Variants in PHACTR2 observed in about 807,000 individuals in gnomAD.
PHACTR2 encodes phosphatase and actin regulator 2, also known as chromosome 6 open reading frame 56.
Under a neutral mutation model 76.0 loss-of-function variants are expected in PHACTR2, and 30 were observed. That is an observed-to-expected ratio of 0.39 (90% CI 0.30 to 0.54). The LOEUF is 0.54. Among genes scored for constraint, PHACTR2 ranks in the 20% least tolerant of loss-of-function variants. The pLI, the probability that PHACTR2 is intolerant of heterozygous loss-of-function variation, is 0.61. For missense variants in PHACTR2, 696 were observed against 781.1 expected (o/e 0.89, Z 1.30); for synonymous variants, 292 against 292.5 (o/e 1.00, Z 0.02).
chr6:143,724,178 C>T (rs1778505947), intron 2 of PHACTR2, among the ~76,000 whole-genome samples: 1 of 152,068 alleles, frequency 6.6e-6, no homozygotes, highest in South Asian at 2.1e-4. Flanking sequence ...CTCTGTCACC[C>T]AGGCTGGACT....
At chr6:143,594,757 G>A (rs1407386222) in intron 1 of PHACTR2, among the ~76,000 whole-genome samples, 5 of 152,238 alleles carry the variant, frequency 3.3e-5, no homozygotes, top group Non-Finnish European at 5.9e-5. Context: ...AGAGTTTGCC[G>A]TCCATGGATC....
intron 1 of PHACTR2, among the ~76,000 whole-genome samples, chr6:143,645,749 T>C (rs561993333): frequency 3.3e-5 from 5 of 152,368 alleles, no homozygotes; most frequent in African/African-American, 9.6e-5. Context: ...GTAAGTCATG[T>C]TGACATTATT....
chr6:143,588,873 C>T (rs1775658173), intron 1 of PHACTR2, among the ~76,000 whole-genome samples: 1 of 152,182 alleles, frequency 6.6e-6, no homozygotes, highest in Non-Finnish European at 1.5e-5. Context: ...AAAAATGTAG[C>T]TTACTGAAAC....
chr6:143,667,051 TG>T, intron 1 of PHACTR2, among the ~76,000 whole-genome samples: 1 of 151,744 alleles, frequency 6.6e-6, no homozygotes, highest in African/African-American at 2.4e-5. Context: ...AGTTAATTTT[TG>T]TATGAAGTGT....
chr6:143,708,717 C>G lies in PHACTR2; in HGVS notation c.47-3299C>G, dbSNP rs185213173. The stretch of plus-strand genomic sequence containing the variant: ...AGCAGATGACAGTGGTCCTCACATT[C>G]ATGATTTAAGAGAAGTACAATGGCA... On this transcript the variant is annotated intron_variant, in intron 1 of 12. Coordinates refer to ENST00000440869, the MANE Select transcript of PHACTR2 (RefSeq NM_001100164.2). The surrounding 1 kb of genome is among the most constrained non-coding windows in gnomAD (Gnocchi z 5.5). Among the ~76,000 whole-genome samples the G allele has an allele frequency of 4.4e-4, 67 of 152,348 alleles. No individual in the cohort carries two copies. Among genetic ancestry groups the G allele is most frequent in the African/African-American group, 1.5e-3 (64 of 41,584 alleles).
At chr6:143,622,005 A>C (rs953760288) in intron 1 of PHACTR2, among the ~76,000 whole-genome samples, 4 of 151,862 alleles carry the variant, frequency 2.6e-5, no homozygotes, top group Non-Finnish European at 5.9e-5. Context: ...AATAATCAAG[A>C]GTGTTATCCT....
intron 1 of PHACTR2, among the ~76,000 whole-genome samples, chr6:143,643,554 C>A (rs1230253291): frequency 6.6e-6 from 1 of 152,126 alleles, no homozygotes; most frequent in African/African-American, 2.4e-5. Context: ...AAGTCATGGG[C>A]ATTGAGGAAG....
Position 143,695,441 on chromosome 6 carries a change from A to T in PHACTR2, c.47-16575A>T, listed in dbSNP as rs1777751056. ...TCCAAGACCCTATTTCAGATTCAAC[A>T]TTCAATACCCTAAGGCATAAAAATG... On this transcript the variant is annotated intron_variant, in intron 1 of 12. Transcript: ENST00000440869. This position sits in a 1 kb window ranked among gnomAD's most constrained non-coding sequence, Gnocchi z 4.4. Among the ~76,000 whole-genome samples the T allele has an allele frequency of 6.6e-6, 1 of 152,258 alleles. No individual in the cohort carries two copies. Among genetic ancestry groups the T allele is most frequent in the South Asian group, 2.1e-4 (1 of 4,832 alleles).
rs1156750553 is a variant in PHACTR2, at chr6:143,697,867, C to T, written c.47-14149C>T. Among the ~76,000 whole-genome samples the T allele has an allele frequency of 6.6e-6, 1 of 152,164 alleles. No homozygotes were observed. The highest frequency in any genetic ancestry group is 2.4e-5 in the African/African-American group (1 of 41,436). ...ATAGGGGCACCACCAGGAATAAAAT[C>T]AACTTGCTCCCTGTCCTCATGGGAC... On this transcript the variant is annotated intron_variant, in intron 1 of 12. Coordinates refer to ENST00000440869, the MANE Select transcript of PHACTR2 (RefSeq NM_001100164.2). The surrounding 1 kb of genome is among the most constrained non-coding windows in gnomAD (Gnocchi z 4.4).
rs1336505456 is a variant in PHACTR2 at position 143,757,173 on chromosome 6, G to T, written c.455-3228G>T. Among the ~76,000 whole-genome samples the T allele has an allele frequency of 6.6e-6, 1 of 152,056 alleles. No individual in the cohort carries two copies. The highest frequency in any genetic ancestry group is 2.4e-5 in the African/African-American group (1 of 41,402). On this transcript the variant is annotated intron_variant, in intron 4 of 12. Transcript: ENST00000440869. This position sits in a 1 kb window ranked among gnomAD's most constrained non-coding sequence, Gnocchi z 4.2. The stretch of plus-strand genomic sequence containing the variant: ...AATAACAAGTGATGAACACTTATTT[G>T]TTCCACAAATAATGAAAGTCTACCA...
chr6:143,673,571 T>C (rs9403522), upstream of PHACTR2, among the ~76,000 whole-genome samples: 66,809 of 151,882 alleles, frequency 0.44, 14,908 homozygotes, highest in South Asian at 0.59. Context: ...TTTTGGTCAA[T>C]AAATTAAAGA....
chr6:143,600,391 T>G (rs1246794185), intron 1 of PHACTR2, among the ~76,000 whole-genome samples: 1 of 152,252 alleles, frequency 6.6e-6, no homozygotes, highest in Admixed American at 6.5e-5. Context: ...CAGCACCATG[T>G]CAAACAGATG....
At chr6:143,756,614 G>T (rs1459166387) in intron 4 of PHACTR2, among the ~76,000 whole-genome samples, 2 of 151,508 alleles carry the variant, frequency 1.3e-5, no homozygotes, top group Non-Finnish European at 2.9e-5. Context: ...CAGGAGAATG[G>T]CGTGAACCCG....
At chr6:143,669,426 T>G (rs1777104893) in intron 1 of PHACTR2, among the ~76,000 whole-genome samples, 1 of 152,244 alleles carries the variant, frequency 6.6e-6, no homozygotes, top group East Asian at 1.9e-4. Context: ...CTGAATATCC[T>G]TGTTAATATT....
intron 1 of PHACTR2, among the ~76,000 whole-genome samples, chr6:143,560,109 C>T (rs564595216): frequency 2.0e-5 from 3 of 152,078 alleles, no homozygotes; most frequent in Non-Finnish European, 2.9e-5. Flanking sequence ...GGAGTTGTTT[C>T]GGGAAAACAG....
At chr6:143,810,654 A>T (rs1582903917) in intron 12 of PHACTR2, 1 of 383,796 alleles carries the variant, frequency 2.6e-6, no homozygotes, top group East Asian at 8.1e-5. Flanking sequence ...ACATAGTGAG[A>T]CCCCATCTCT....
At chr6:143,676,856 G>A (rs1381971894), upstream of PHACTR2, among the ~76,000 whole-genome samples, 1 of 151,850 alleles carries the variant, frequency 6.6e-6, no homozygotes, top group East Asian at 1.9e-4. This position sits in a 1 kb window ranked among gnomAD's most constrained non-coding sequence, Gnocchi z 4.8. Flanking sequence ...GGGCTATTTG[G>A]GTGTGAAAAA....
intron 1 of PHACTR2, among the ~76,000 whole-genome samples, chr6:143,690,666 G>T (rs1777623656): frequency 6.6e-6 from 1 of 152,102 alleles, no homozygotes. Context: ...TTTCTCTTTA[G>T]CAGATAGCTT....
In PHACTR2 at chr6:143,672,761, G is replaced by T. The variant is rs1347019036; in HGVS notation, c.14-39255G>T. Among the ~76,000 whole-genome samples, 1 of 151,982 alleles carries T rather than the reference G, an allele frequency of 6.6e-6. No homozygotes were observed. The highest frequency in any genetic ancestry group is 1.5e-5 in the Non-Finnish European group (1 of 67,984). ...TCTTTTTGAGACAGAGTCTCACTCT[G>T]TTGCCCAGGCTGGAATGCAATGGCT... On this transcript the variant is annotated intron_variant, in intron 1 of 11. Coordinates refer to the PHACTR2 transcript ENST00000305766. The surrounding 1 kb of genome is among the most constrained non-coding windows in gnomAD (Gnocchi z 5.8).
Sources: gnomAD v4.1 joint callset for allele counts (sites outside exome capture counted in the v4.1 genomes callset) on GRCh38, gnomAD v4.1.1 for gene constraint, Gnocchi (gnomAD v3.1) non-coding constraint, MANE v1.5 for transcripts, NCBI Gene and HGNC (gene_info 2026-07-23, HGNC 2026-07-21) for gene names.